Variants in UGT1A10 observed in about 807,000 individuals in gnomAD.
UGT1A10 encodes UDP-glucuronosyltransferase 1A10.
UGT1A10 carries 49 observed loss-of-function variants against 45.8 expected under a neutral mutation model. The observed-to-expected ratio is 1.07, with a 90% confidence interval of 0.85 to 1.36. UGT1A10 has a LOEUF of 1.36. UGT1A10 is among the 40% of genes most tolerant of loss of function. The pLI is 0.00. For synonymous variants in UGT1A10, 284 were observed against 249.7 expected (o/e 1.14, Z -1.29); for missense variants, 745 against 668.6 (o/e 1.11, Z -1.26).
At chr2:233,715,572 G>C (rs1398174608) in intron 1 of UGT1A10, among the ~76,000 whole-genome samples, 1 of 152,076 alleles carries the variant, frequency 6.6e-6, no homozygotes, top group African/African-American at 2.4e-5. Context: ...AGGAGTCTGA[G>C]AGCAGCCTGG....
At chr2:233,743,431 C>T (rs755334550) in intron 1 of UGT1A10, 17 of 1,354,320 alleles carry the variant, frequency 1.3e-5, no homozygotes, top group African/African-American at 1.5e-5. Context: ...GCCAAAGGAA[C>T]GAAATCCTGT....
In UGT1A10 at chr2:233,637,092, C is replaced by T. The variant is rs543470832; in HGVS notation, c.570C>T (p.Val190=). 9 of 1,613,886 alleles carry T rather than the reference C, an allele frequency of 5.6e-6. No homozygotes were observed. In the South Asian group the frequency reaches 7.7e-5, roughly 14 times the overall value. ...AGTGCCCTGCTCCTCTTTCCTATGT[C>T]CCCAATGATCTCTTAGGGTTCTCAG... ...GAQCPAPLSY[V]PNDLLGFSDA... Residue 190 remains valine, a synonymous_variant, in exon 1 of 5, where the codon GTC becomes GTT. Coordinates refer to ENST00000344644, the MANE Select transcript of UGT1A10 (RefSeq NM_019075.4).
intron 1 of UGT1A10, among the ~76,000 whole-genome samples, chr2:233,642,698 T>C (rs2073481980): frequency 1.3e-5 from 2 of 152,198 alleles, no homozygotes; most frequent in African/African-American, 4.8e-5. Context: ...GACTTAGGTG[T>C]TGTAATCTAA....
At chr2:233,683,807 T>C (rs149937517) in intron 1 of UGT1A10, among the ~76,000 whole-genome samples, 1 of 152,342 alleles carries the variant, frequency 6.6e-6, no homozygotes, top group Non-Finnish European at 1.5e-5. Flanking sequence ...TATGTAGTCA[T>C]ATTACTAAAC....
At chr2:233,729,726 C>A in intron 1 of UGT1A10, 1 of 1,613,932 alleles carries the variant, frequency 6.2e-7, no homozygotes, top group Non-Finnish European at 8.5e-7. Context: ...TACTAACAAC[C>A]AATTCAGACC....
chr2:233,715,826 A>AT (rs1221797206), intron 1 of UGT1A10, among the ~76,000 whole-genome samples: 3 of 152,148 alleles, frequency 2.0e-5, no homozygotes, highest in African/African-American at 4.8e-5. Flanking sequence ...GTTAGAAAAC[A>AT]TTTTTTTAAA....
At position 233,772,640 on chromosome 2, in the gene UGT1A10, C is replaced by T; in HGVS notation, c.*81C>T. On this transcript the variant is annotated 3_prime_UTR_variant, in exon 5 of 5. Transcript: ENST00000344644. ...TTGAAAACAGAATCAGTGTTAAATTCATTTTATTCTTATTAAGGAAATACT... is the reference window on the plus strand; with the variant it reads ...TTGAAAACAGAATCAGTGTTAAATTTATTTTATTCTTATTAAGGAAATACT... 2 of 1,552,730 alleles carry T rather than the reference C, an allele frequency of 1.3e-6. No individual in the cohort carries two copies. The highest frequency in any genetic ancestry group is 1.7e-6 in the Non-Finnish European group (2 of 1,148,442).
intron 1 of UGT1A10, chr2:233,721,965 A>G (rs58524075): frequency 0.012 from 3,584 of 301,472 alleles, 120 homozygotes; most frequent in African/African-American, 0.073. Flanking sequence ...ATATGCATAC[A>G]TTGATGGCCT....
At chr2:233,714,395 G>A (rs2076384323) in intron 1 of UGT1A10, among the ~76,000 whole-genome samples, 1 of 152,148 alleles carries the variant, frequency 6.6e-6, no homozygotes, top group African/African-American at 2.4e-5. Context: ...GGCCAATGTA[G>A]GTGCAATGGA....
chr2:233,717,511 GA>G (rs781193687), intron 1 of UGT1A10, among the ~76,000 whole-genome samples: 30 of 152,328 alleles, frequency 2.0e-4, no homozygotes, highest in Non-Finnish European at 3.5e-4. Context: ...TTTCTAATGG[GA>G]GTAACTTCCT....
chr2:233,724,363 C>G (rs1212893783), intron 1 of UGT1A10, among the ~76,000 whole-genome samples: 1 of 136,850 alleles, frequency 7.3e-6, no homozygotes. Context: ...CCCTCCCGGA[C>G]GGGGTGGCTG....
In UGT1A10 at chr2:233,769,481, G is replaced by A. The variant is rs35791110; in HGVS notation, c.1295+1042G>A. ...TTCATATGCGTGTGTGTGTGTGTGC[G>A]TGTGTTTATGAGAGTGTCCATTGCT... On this transcript the variant is annotated intron_variant, in intron 4 of 4. Coordinates refer to ENST00000344644, the MANE Select transcript of UGT1A10 (RefSeq NM_019075.4). This position sits in a 1 kb window ranked among gnomAD's most constrained non-coding sequence, Gnocchi z 4.4. 5.5e-4 allele frequency: 893 copies of A among 1,612,192 alleles called. 4 individuals are homozygous for A. The African/African-American group carries it at 9.9e-3, about 18-fold the overall frequency.
chr2:233,710,442 T>C (rs1002737247), intron 1 of UGT1A10, among the ~76,000 whole-genome samples: 4 of 152,256 alleles, frequency 2.6e-5, no homozygotes, highest in African/African-American at 7.2e-5. Flanking sequence ...TTTAGTCTTT[T>C]ACATTTTAGC....
At chr2:233,686,885 T>C (rs2074810019) in intron 1 of UGT1A10, among the ~76,000 whole-genome samples, 1 of 152,196 alleles carries the variant, frequency 6.6e-6, no homozygotes, top group Non-Finnish European at 1.5e-5. Flanking sequence ...TTCTGCATGA[T>C]TCCTGCCCCA....
chr2:233,772,237 A>G (rs1390917406), intron 4 of UGT1A10, 25 bp from the exon 5 acceptor site: 5 of 1,614,058 alleles, frequency 3.1e-6, no homozygotes, highest in Middle Eastern at 1.7e-4. Context: ...TGTTCCAGGC[A>G]TAACGAAACT....
intron 1 of UGT1A10, among the ~76,000 whole-genome samples, chr2:233,644,032 C>T (rs772625185): frequency 5.3e-5 from 8 of 152,116 alleles, no homozygotes; most frequent in African/African-American, 1.2e-4. Context: ...GGAGTGATGT[C>T]GGTACTCCCT....
At chr2:233,690,421 T>C in intron 1 of UGT1A10, 1 of 1,236,806 alleles carries the variant, frequency 8.1e-7, no homozygotes, top group Non-Finnish European at 1.1e-6. Flanking sequence ...ATTACCTTCA[T>C]GCACATCTTT....
Position 233,768,449 on chromosome 2 carries a change from A to T in UGT1A10, c.1295+10A>T, listed in dbSNP as rs757647919. 6.2e-7 allele frequency: 1 copy of T among 1,611,702 alleles called. No individual in the cohort carries two copies. The highest frequency in any genetic ancestry group is 8.5e-7 in the Non-Finnish European group (1 of 1,178,666). On this transcript the variant is annotated intron_variant, in intron 4 of 4. Coordinates refer to ENST00000344644, the MANE Select transcript of UGT1A10 (RefSeq NM_019075.4). ...TCATCAATGACAAAAGGTAAGAAAG[A>T]AGATACAGAAGAATACTTTGGTCAT...
chr2:233,708,719 T>C (rs62191898), intron 1 of UGT1A10: 22,793 of 151,908 alleles, frequency 0.15, 2,024 homozygotes, highest in South Asian at 0.24. Flanking sequence ...TCATTGCACC[T>C]CAGCCTGGGC....
Sources: allele counts gnomAD v4.1 joint callset (sites outside exome capture counted in the v4.1 genomes callset), GRCh38; gene constraint gnomAD v4.1.1; non-coding constraint Gnocchi (gnomAD v3.1); transcripts MANE v1.5; gene names NCBI Gene and HGNC (gene_info 2026-07-23, HGNC 2026-07-21).